MYO5A: variants seen among roughly 807,000 people sequenced by gnomAD.
MYO5A encodes myosin VA.
MYO5A carries 98 observed loss-of-function variants against 249.7 expected under a neutral mutation model. That is an observed-to-expected ratio of 0.39 (90% CI 0.33 to 0.46). The LOEUF (loss-of-function observed/expected upper bound fraction) is 0.46, where lower values mean the gene tolerates loss of function less well. Ranked by LOEUF, MYO5A falls within the 20% of genes least tolerant of loss-of-function variation. MYO5A has a pLI of 0.98. For missense variants in MYO5A, 1,696 were observed against 2,308.8 expected (o/e 0.73, Z 5.44); for synonymous variants, 778 against 810.6 (o/e 0.96, Z 0.68).
At chr15:52,404,668 G>C (rs965199873) in intron 9 of MYO5A, among the ~76,000 whole-genome samples, 2 of 152,158 alleles carry the variant, frequency 1.3e-5, no homozygotes, top group African/African-American at 4.8e-5. Context: ...AGAGATGCTA[G>C]AGATCTGCCT....
At chr15:52,391,459 G>A (rs1304114113) in intron 12 of MYO5A, among the ~76,000 whole-genome samples, 1 of 152,086 alleles carries the variant, frequency 6.6e-6, no homozygotes, top group Non-Finnish European at 1.5e-5. Flanking sequence ...TGGTAAAGCT[G>A]GGGATCTAAT....
chr15:52,494,248 A>G (rs2076993374), intron 1 of MYO5A, among the ~76,000 whole-genome samples: 1 of 152,194 alleles, frequency 6.6e-6, no homozygotes, highest in Non-Finnish European at 1.5e-5. Context: ...CTTTTCACTA[A>G]TCCACCCATA....
intron 16 of MYO5A, 78 bp from the exon 17 acceptor site, chr15:52,379,986 T>A: frequency 6.8e-7 from 1 of 1,471,794 alleles, no homozygotes; most frequent in South Asian, 1.1e-5. Context: ...AGTCAGGGTG[T>A]AAATTCTTTC....
At position 52,327,899 on chromosome 15, in the gene MYO5A, T is replaced by C; in HGVS notation, c.4663A>G (p.Arg1555Gly). 3 of 1,613,978 alleles carry C rather than the reference T, an allele frequency of 1.9e-6. No homozygotes were observed. The highest frequency in any genetic ancestry group is 2.5e-6 in the Non-Finnish European group (3 of 1,179,864). The change falls in exon 36 of 42, where the codon AGG becomes GGG. Residue 1555 changes from arginine to glycine, a missense_variant. Transcript: ENST00000399233. ...ADYLNDDQKVRSLLTSTINSI... is the reference protein window; with the variant it reads ...ADYLNDDQKVGSLLTSTINSI... ...TTAATTGTTGATGTTAGCAACGACC[T>C]TACTTTCTGATCATCATTCAGGTAG...
intron 1 of MYO5A, among the ~76,000 whole-genome samples, chr15:52,471,748 AC>A (rs2076477117): frequency 6.6e-6 from 1 of 152,138 alleles, no homozygotes; most frequent in Admixed American, 6.5e-5. Flanking sequence ...CCCCAGGCTG[AC>A]ATGCAGTGGT....
chr15:52,375,579 T>A (rs756484383), intron 19 of MYO5A, 119 bp from the exon 20 acceptor site: 46 of 1,020,028 alleles, frequency 4.5e-5, no homozygotes, highest in Non-Finnish European at 6.8e-5. Flanking sequence ...ATTGTATTAT[T>A]CTAATAATGT....
Position 52,312,177 on chromosome 15 carries a change from C to T in MYO5A, c.*1519G>A, listed in dbSNP as rs2037797332. 6.6e-6 allele frequency: 1 copy of T among 152,080 alleles called. No individual in the cohort carries two copies. Among genetic ancestry groups the T allele is most frequent in the Non-Finnish European group, 1.5e-5 (1 of 68,022 alleles). 9.4% of individuals were successfully genotyped at this position (152,080 alleles called of 1,614,324 possible). A position where few individuals can be genotyped will look rare whatever the true frequency, so the allele number is the denominator to read the frequency against. ...ACAATCTTCTATTTCTTATATAAGT[C>T]TTCTTAAAGTATTTCTAATATGATG... is the stretch of plus-strand genomic sequence containing the variant. On this transcript the variant is annotated 3_prime_UTR_variant, in exon 42 of 42. Transcript: ENST00000399233.
intron 1 of MYO5A, among the ~76,000 whole-genome samples, chr15:52,454,595 T>C (rs934236209): frequency 3.9e-5 from 6 of 152,026 alleles, no homozygotes; most frequent in African/African-American, 1.4e-4. Flanking sequence ...GAATAGAACA[T>C]AACTTGGGCC....
At chr15:52,461,798 T>TAA (rs770114734) in intron 1 of MYO5A, among the ~76,000 whole-genome samples, 23 of 151,352 alleles carry the variant, frequency 1.5e-4, no homozygotes, top group Non-Finnish European at 2.9e-4. Context: ...CCGTCTCTAC[T>TAA]ACAAATACAA....
intron 1 of MYO5A, among the ~76,000 whole-genome samples, chr15:52,476,175 G>A (rs2076587778): frequency 6.6e-6 from 1 of 151,948 alleles, no homozygotes; most frequent in South Asian, 2.1e-4. Flanking sequence ...GATCTTTGTT[G>A]GTTTAAAGTC....
chr15:52,448,953 C>CTT (rs1567136629), intron 1 of MYO5A, among the ~76,000 whole-genome samples: 6 of 61,866 alleles, frequency 9.7e-5, no homozygotes, highest in African/African-American at 2.8e-4. Context: ...CTTTTCTTGT[C>CTT]TTTCTTTTTT....
At chr15:52,476,313 T>G (rs1415439523) in intron 1 of MYO5A, among the ~76,000 whole-genome samples, 3 of 152,194 alleles carry the variant, frequency 2.0e-5, no homozygotes, top group African/African-American at 7.2e-5. Flanking sequence ...GTCTCCTGAA[T>G]ACAGCACACT....
intron 1 of MYO5A, among the ~76,000 whole-genome samples, chr15:52,452,513 G>T (rs2076039808): frequency 1.3e-5 from 2 of 152,232 alleles, no homozygotes; most frequent in South Asian, 2.1e-4. Context: ...CCATCATCCT[G>T]GGCCCTGGAA....
At chr15:52,459,821 C>T (rs1281555236) in intron 1 of MYO5A, among the ~76,000 whole-genome samples, 1 of 151,374 alleles carries the variant, frequency 6.6e-6, no homozygotes. Flanking sequence ...GACGGGGCGG[C>T]CGGGCAGAGG....
intron 10 of MYO5A, 107 bp from the exon 11 acceptor site, chr15:52,396,504 A>T (rs2042490794): frequency 1.5e-6 from 1 of 685,628 alleles, no homozygotes; most frequent in South Asian, 1.8e-5. Context: ...ATTCCCCAAC[A>T]TTGTAAAACT....
intron 1 of MYO5A, among the ~76,000 whole-genome samples, chr15:52,476,824 C>T (rs939094320): frequency 2.6e-5 from 4 of 152,178 alleles, no homozygotes; most frequent in Non-Finnish European, 5.9e-5. Flanking sequence ...CTGCCCTTAA[C>T]ATTTTTTCCT....
intron 1 of MYO5A, among the ~76,000 whole-genome samples, chr15:52,451,989 T>A (rs1238321913): frequency 6.6e-6 from 1 of 152,196 alleles, no homozygotes; most frequent in Non-Finnish European, 1.5e-5. Flanking sequence ...TGAATAAATG[T>A]ATATTTCATT....
At chr15:52,428,969 A>C (rs2075457899) in intron 2 of MYO5A, among the ~76,000 whole-genome samples, 1 of 152,214 alleles carries the variant, frequency 6.6e-6, no homozygotes, top group South Asian at 2.1e-4. Flanking sequence ...TCCTGATACT[A>C]ATACTTACTT....
At chr15:52,470,371 G>C (rs1449717834) in intron 1 of MYO5A, among the ~76,000 whole-genome samples, 1 of 152,180 alleles carries the variant, frequency 6.6e-6, no homozygotes, top group Non-Finnish European at 1.5e-5. Flanking sequence ...CCATCCTTGG[G>C]CCAGGCGCAG....
Sources: allele counts gnomAD v4.1 joint callset (sites outside exome capture counted in the v4.1 genomes callset), GRCh38; gene constraint gnomAD v4.1.1; transcripts MANE v1.5; gene names NCBI Gene and HGNC (gene_info 2026-07-23, HGNC 2026-07-21).